OR2B2: variants seen among roughly 807,000 people sequenced by gnomAD.
The protein encoded by OR2B2 is olfactory receptor 2B2.
For missense variants in OR2B2, 362 were observed against 422.4 expected, an observed-to-expected ratio of 0.86 and a Z score of 1.25; for synonymous variants, 137 against 150.9, an observed-to-expected ratio of 0.91 and a Z score of 0.67.
chr6:27,911,361 A>T lies in OR2B2; in HGVS notation c.959T>A (p.Ile320Lys). The part of the protein sequence containing the change: ...LNQEIRNMQM[I>K]SFAKDTVLTY... Reference sequence around the variant, plus strand: ...AAGCACTGTGTCTTTAGCAAAGCTTATCATTTGCATATTTCTTATTTCTTG... The same window carrying T: ...AAGCACTGTGTCTTTAGCAAAGCTTTTCATTTGCATATTTCTTATTTCTTG... Residue 320 changes from isoleucine (I) to lysine (K), a missense_variant, in exon 1 of 1, where the codon ATA becomes AAA. Ile to Lys is a moderately radical substitution (Grantham distance 102). Transcript: ENST00000303324. 1 of 1,614,090 alleles carries T rather than the reference A, an allele frequency of 6.2e-7. No individual in the cohort carries two copies. The highest frequency in any genetic ancestry group is 8.5e-7 in the Non-Finnish European group (1 of 1,179,964).
In OR2B2 at chr6:27,911,743, T is replaced by C. The variant is rs748692595; in HGVS notation, c.577A>G (p.Thr193Ala). Residue 193 changes from threonine to alanine, a missense_variant, in exon 1 of 1, where the codon ACA (threonine) becomes GCA (alanine). Thr to Ala is a moderately conservative substitution (Grantham distance 58). Transcript: ENST00000303324. The stretch of plus-strand genomic sequence containing the variant: ...AAGAATAGTTCAGCCTCATTTGCTG[T>C]TGTGTCAACACAGGACAACTTGAGC... ...ALLKLSCVDT[T>A]ANEAELFFIS... 6.2e-6 allele frequency: 10 copies of C among 1,613,160 alleles called. No individual in the cohort carries two copies. Among genetic ancestry groups the C allele is most frequent in the Admixed American group, 5.0e-5 (3 of 59,912 alleles).
In OR2B2 at chr6:27,912,276, A is replaced by G. The variant is rs1762210009; in HGVS notation, c.44T>C (p.Leu15Ser). Residue 15 changes from leucine to serine, a missense_variant, in exon 1 of 1, where the codon TTA (leucine) becomes TCA (serine). Coordinates refer to ENST00000303324, the MANE Select transcript of OR2B2 (RefSeq NM_033057.2). ...TAGCCATGGTTGATCTGAGAAAACT[A>G]ACAGAATGAACTCCTGTGGGACACT... ...NKSVPQEFIL[L>S]VFSDQPWLEI... 1 of 1,612,788 alleles carries G rather than the reference A, an allele frequency of 6.2e-7. No homozygotes were observed. Among genetic ancestry groups the G allele is most frequent in the Non-Finnish European group, 8.5e-7 (1 of 1,179,228 alleles).
At position 27,911,970 on chromosome 6, in the gene OR2B2, A is replaced by G. The variant is rs771302609; in HGVS notation, c.350T>C (p.Val117Ala). Residue 117 changes from valine (V) to alanine (A), a missense_variant, in exon 1 of 1, where the codon GTC becomes GCC. Transcript: ENST00000303324. Reference protein sequence around the residue: ...LGSTECLLLAVMCFDRFVAIC... With the variant: ...LGSTECLLLAAMCFDRFVAIC... ...AGCTACAAACCTATCAAAGCACATG[A>G]CGGCCAGGAGAAGACATTCTGTGGA... 1 of 1,614,220 alleles carries G rather than the reference A, an allele frequency of 6.2e-7. No homozygotes were observed. Among genetic ancestry groups the G allele is most frequent in the Non-Finnish European group, 8.5e-7 (1 of 1,180,036 alleles).
chr6:27,911,949 ACAAACCTAT>A lies in OR2B2; in HGVS notation c.362_370del (p.Asp121_Phe123del). 1 of 1,614,238 alleles carries A rather than the reference ACAAACCTAT, an allele frequency of 6.2e-7. No individual in the cohort carries two copies. Among genetic ancestry groups the A allele is most frequent in the Non-Finnish European group, 8.5e-7 (1 of 1,180,044 alleles). On this transcript the variant is annotated inframe_deletion, in exon 1 of 1. Coordinates refer to ENST00000303324, the MANE Select transcript of OR2B2 (RefSeq NM_033057.2). ...GTAATGGAGAGGCCGACAAATAGCTACAAACCTATCAAAGCACATGACGGCCAGGAGAAG... is the reference window on the plus strand; with the variant it reads ...GTAATGGAGAGGCCGACAAATAGCTACAAAGCACATGACGGCCAGGAGAAG...
chr6:27,911,659 T>C lies in OR2B2; in HGVS notation c.661A>G (p.Ile221Val), dbSNP rs1212624515. Residue 221 changes from isoleucine to valine, a missense_variant, in exon 1 of 1, where the codon ATT becomes GTT. Ile to Val is a conservative substitution (Grantham distance 29, BLOSUM62 3). Coordinates refer to ENST00000303324, the MANE Select transcript of OR2B2 (RefSeq NM_033057.2). Reference protein sequence around the residue: ...VTLILISYAFIVQAVLRIQSA... With the variant: ...VTLILISYAFVVQAVLRIQSA... ...TGGATTCTCAACACTGCTTGGACAA[T>C]AAAAGCATACGATATAAGGATGAGT... 6.2e-7 allele frequency: 1 copy of C among 1,613,562 alleles called. No homozygotes were observed.
rs1762195243 is a variant in OR2B2 at position 27,911,484 on chromosome 6, C to G, written c.836G>C (p.Gly279Ala). 6.2e-7 allele frequency: 1 copy of G among 1,614,160 alleles called. No individual in the cohort carries two copies. The highest frequency in any genetic ancestry group is 8.5e-7 in the Non-Finnish European group (1 of 1,180,036). Residue 279 changes from glycine to alanine, a missense_variant, in exon 1 of 1, where the codon GGA (glycine) becomes GCA (alanine). Coordinates refer to ENST00000303324, the MANE Select transcript of OR2B2 (RefSeq NM_033057.2). ...DRGKMVSLFC[G>A]IIAPMLNPLI... The stretch of plus-strand genomic sequence containing the variant: ...GGGATTCAGCATGGGTGCAATGATT[C>G]CACAGAAGAGAGAAACCATCTTTCC...
Position 27,911,393 on chromosome 6 carries a change from AAG to A in OR2B2, c.925_926del (p.Leu309SerfsTer2), listed in dbSNP as rs1484329707. 6.2e-7 allele frequency: 1 copy of A among 1,614,140 alleles called. No individual in the cohort carries two copies. The highest frequency in any genetic ancestry group is 8.5e-7 in the Non-Finnish European group (1 of 1,179,996). ...GCATATTTCTTATTTCTTGATTAAG[AAG>A]ACTCTTTGCAACCAACCTTTTAAAG... ...EAFKRLVAKS[L>X]LNQEIRNMQM... On this transcript the variant is annotated frameshift_variant, in exon 1 of 1. Transcript: ENST00000303324. LOFTEE classifies it low-confidence loss of function (END_TRUNC).
In OR2B2 at chr6:27,911,503, T is replaced by C. The variant is rs148502450; in HGVS notation, c.817A>G (p.Met273Val). 15 of 1,614,066 alleles carry C rather than the reference T, an allele frequency of 9.3e-6. No homozygotes were observed. The African/African-American group carries it at 1.7e-4, about 19-fold the overall frequency. ...PSPSSKDRGKMVSLFCGIIAP... is the reference protein window; with the variant it reads ...PSPSSKDRGKVVSLFCGIIAP... The stretch of plus-strand genomic sequence containing the variant: ...ATGATTCCACAGAAGAGAGAAACCA[T>C]CTTTCCCCGGTCTTTGGAGCTGGGT... Residue 273 changes from methionine (M) to valine (V), a missense_variant, in exon 1 of 1, where the codon ATG becomes GTG. Coordinates refer to ENST00000303324, the MANE Select transcript of OR2B2 (RefSeq NM_033057.2).
rs751705341 is a variant in OR2B2, at chr6:27,912,241, G to C, written c.79C>G (p.Pro27Ala). The change falls in exon 1 of 1, where the codon CCC becomes GCC. Residue 27 changes from proline to alanine, a missense_variant. Pro to Ala is a conservative substitution (Grantham distance 27). Coordinates refer to ENST00000303324, the MANE Select transcript of OR2B2 (RefSeq NM_033057.2). ...TAGGAAAACAGAAACATCACAAAGG[G>C]TGGAATCTCTAGCCATGGTTGATCT... ...FSDQPWLEIP[P>A]FVMFLFSYIL... 6.2e-7 allele frequency: 1 copy of C among 1,614,004 alleles called. No homozygotes were observed. The highest frequency in any genetic ancestry group is 1.3e-5 in the African/African-American group (1 of 74,910).
Position 27,911,803 on chromosome 6 carries a change from C to T in OR2B2, c.517G>A (p.Glu173Lys). The change falls in exon 1 of 1, where the codon GAA (glutamate) becomes AAA (lysine). Residue 173 changes from glutamate to lysine, a missense_variant. Glu to Lys is a moderately conservative substitution (Grantham distance 56). Coordinates refer to ENST00000303324, the MANE Select transcript of OR2B2 (RefSeq NM_033057.2). ...ACTTCACAGAAGAAGTGATCCACTT[C>T]TTTGTGACCACACAGTGGCATCTTA... is the stretch of plus-strand genomic sequence containing the variant. ...TLKMPLCGHK[E>K]VDHFFCEVPA... 6.2e-7 allele frequency: 1 copy of T among 1,614,182 alleles called. No homozygotes were observed. The highest frequency in any genetic ancestry group is 8.5e-7 in the Non-Finnish European group (1 of 1,180,022).
Position 27,911,605 on chromosome 6 carries a change from C to A in OR2B2, c.715G>T (p.Gly239Trp). ...QSAEGQRKAF[G>W]TCGSHLIVVS... is the part of the protein sequence containing the mutation. ...ACAATTAGATGGGAGCCACATGTCCCAAATGCCTTTCGTTGACCTTCAGCA... is the reference window on the plus strand; with the variant it reads ...ACAATTAGATGGGAGCCACATGTCCAAAATGCCTTTCGTTGACCTTCAGCA... The change falls in exon 1 of 1, where the codon GGG (glycine) becomes TGG (tryptophan). Residue 239 changes from glycine to tryptophan, a missense_variant. Physicochemically the swap from Gly to Trp is radical, Grantham distance 184. Transcript: ENST00000303324. 6.2e-7 allele frequency: 1 copy of A among 1,614,160 alleles called. No homozygotes were observed. Among genetic ancestry groups the A allele is most frequent in the Admixed American group, 1.7e-5 (1 of 60,020 alleles).
In OR2B2 at chr6:27,911,558, T is replaced by C. The variant is rs1249566988; in HGVS notation, c.762A>G (p.Thr254=). 3 of 1,614,060 alleles carry C rather than the reference T, an allele frequency of 1.9e-6. No individual in the cohort carries two copies. Among genetic ancestry groups the C allele is most frequent in the Non-Finnish European group, 2.5e-6 (3 of 1,179,994 alleles). The change falls in exon 1 of 1, where the codon ACA becomes ACG. Residue 254 remains threonine (T), a synonymous_variant. Coordinates refer to ENST00000303324, the MANE Select transcript of OR2B2 (RefSeq NM_033057.2). The stretch of plus-strand genomic sequence containing the variant: ...GTGGTTGCAGGTACATGGAGATAGC[T>C]GTACCATAAAAAAGTGACACCACAA... ...HLIVVSLFYG[T]AISMYLQPPS...
At position 27,911,249 on chromosome 6, in the gene OR2B2, A is replaced by G; in HGVS notation, c.1071T>C (p.Pro357=). The change falls in exon 1 of 1, where the codon CCT becomes CCC. Residue 357 remains proline (P), a synonymous_variant. Coordinates refer to ENST00000303324, the MANE Select transcript of OR2B2 (RefSeq NM_033057.2). ...CAGAAACAAATATAGCTTTTTGTCA[A>G]GGAAATTTTCTTTGAGGGAGATTAC... is the stretch of plus-strand genomic sequence containing the variant. ...NYCNLPQRKF[P] is the part of the protein sequence containing the mutation. The G allele has an allele frequency of 6.5e-7, 1 of 1,536,732 alleles. No homozygotes were observed. Among genetic ancestry groups the G allele is most frequent in the Non-Finnish European group, 8.8e-7 (1 of 1,139,296 alleles).
In OR2B2 at chr6:27,911,664, G is replaced by T; in HGVS notation, c.656C>A (p.Ala219Asp). 1 of 1,614,030 alleles carries T rather than the reference G, an allele frequency of 6.2e-7. No homozygotes were observed. The highest frequency in any genetic ancestry group is 8.5e-7 in the Non-Finnish European group (1 of 1,179,990). Residue 219 changes from alanine to aspartate, a missense_variant, in exon 1 of 1, where the codon GCT (alanine) becomes GAT (aspartate). By Grantham distance (126) the Ala-to-Asp change is moderately radical. Transcript: ENST00000303324. ...TCTCAACACTGCTTGGACAATAAAA[G>T]CATACGATATAAGGATGAGTGTCAC... Reference protein sequence around the residue: ...IPVTLILISYAFIVQAVLRIQ... With the variant: ...IPVTLILISYDFIVQAVLRIQ...
In OR2B2 at chr6:27,911,502, A is replaced by G. The variant is rs1393265441; in HGVS notation, c.818T>C (p.Met273Thr). Residue 273 changes from methionine (M) to threonine (T), a missense_variant, in exon 1 of 1, where the codon ATG becomes ACG. By Grantham distance (81) the Met-to-Thr change is moderately conservative. Coordinates refer to ENST00000303324, the MANE Select transcript of OR2B2 (RefSeq NM_033057.2). ...PSPSSKDRGK[M>T]VSLFCGIIAP... ...AATGATTCCACAGAAGAGAGAAACC[A>G]TCTTTCCCCGGTCTTTGGAGCTGGG... 1 of 1,614,212 alleles carries G rather than the reference A, an allele frequency of 6.2e-7. No individual in the cohort carries two copies. The highest frequency in any genetic ancestry group is 1.1e-5 in the South Asian group (1 of 91,088).
In OR2B2 at chr6:27,911,545, A is replaced by T. The variant is rs769328637; in HGVS notation, c.775T>A (p.Tyr259Asn). The T allele has an allele frequency of 1.7e-5, 27 of 1,614,136 alleles. No individual in the cohort carries two copies. Among genetic ancestry groups the T allele is most frequent in the Admixed American group, 5.0e-5 (3 of 60,008 alleles). Residue 259 changes from tyrosine (Y) to asparagine (N), a missense_variant, in exon 1 of 1, where the codon TAC becomes AAC. Coordinates refer to ENST00000303324, the MANE Select transcript of OR2B2 (RefSeq NM_033057.2). Reference sequence around the variant, plus strand: ...GAGCTGGGTGAAGGTGGTTGCAGGTACATGGAGATAGCTGTACCATAAAAA... The same window carrying T: ...GAGCTGGGTGAAGGTGGTTGCAGGTTCATGGAGATAGCTGTACCATAAAAA... ...SLFYGTAISM[Y>N]LQPPSPSSKD... is the part of the protein sequence containing the mutation.
rs151114349 is a variant in OR2B2 at position 27,911,512 on chromosome 6, G to C, written c.808C>G (p.Arg270Gly). Residue 270 changes from arginine to glycine, a missense_variant, in exon 1 of 1, where the codon CGG becomes GGG. By Grantham distance (125) the Arg-to-Gly change is moderately radical (BLOSUM62 -2). Transcript: ENST00000303324. Reference protein sequence around the residue: ...LQPPSPSSKDRGKMVSLFCGI... With the variant: ...LQPPSPSSKDGGKMVSLFCGI... ...CAGAAGAGAGAAACCATCTTTCCCCGGTCTTTGGAGCTGGGTGAAGGTGGT... is the reference window on the plus strand; with the variant it reads ...CAGAAGAGAGAAACCATCTTTCCCCCGTCTTTGGAGCTGGGTGAAGGTGGT... 9.7e-5 allele frequency: 157 copies of C among 1,614,128 alleles called. No individual in the cohort carries two copies. The East Asian group carries it at 3.3e-3, about 34-fold the overall frequency.
At position 27,912,098 on chromosome 6, in the gene OR2B2, G is replaced by T; in HGVS notation, c.222C>A (p.Thr74=). 1.9e-6 allele frequency: 3 copies of T among 1,614,138 alleles called. No homozygotes were observed. The highest frequency in any genetic ancestry group is 2.7e-5 in the African/African-American group (2 of 75,036). The change falls in exon 1 of 1, where the codon ACC becomes ACA. Residue 74 remains threonine, a synonymous_variant. Coordinates refer to ENST00000303324, the MANE Select transcript of OR2B2 (RefSeq NM_033057.2). ...CCAGCATTTGTGGAACTGTACTTGT[G>T]GTATAGCAAAGGTCCAGGAGTGAGA... ...SNLSLLDLCY[T]TSTVPQMLVN...
chr6:27,911,249 A>C lies in OR2B2; in HGVS notation c.1071T>G (p.Pro357=). 1.3e-6 allele frequency: 2 copies of C among 1,536,732 alleles called. No individual in the cohort carries two copies. Among genetic ancestry groups the C allele is most frequent in the Non-Finnish European group, 1.8e-6 (2 of 1,139,296 alleles). ...CAGAAACAAATATAGCTTTTTGTCA[A>C]GGAAATTTTCTTTGAGGGAGATTAC... ...NYCNLPQRKF[P] The change falls in exon 1 of 1, where the codon CCT becomes CCG. Residue 357 remains proline, a synonymous_variant. Coordinates refer to ENST00000303324, the MANE Select transcript of OR2B2 (RefSeq NM_033057.2).
Sources: allele counts gnomAD v4.1 joint callset, GRCh38; gene constraint gnomAD v4.1.1; transcripts MANE v1.5; gene names NCBI Gene and HGNC (gene_info 2026-07-23, HGNC 2026-07-21).